ANO2: variants seen among roughly 807,000 people sequenced by gnomAD.
ANO2 encodes anoctamin 2.
A neutral mutation model predicts 124.2 loss-of-function variants in ANO2; 101 were observed. The ratio of observed to expected loss-of-function variants is 0.81; its 90% CI spans 0.69 to 0.96. The LOEUF is 0.96. Among genes scored for constraint, ANO2 ranks in the 40% least tolerant of loss-of-function variants. The pLI, the probability that ANO2 is intolerant of heterozygous loss-of-function variation, is 0.00. For synonymous variants in ANO2, 486 were observed against 482.5 expected, an observed-to-expected ratio of 1.01 and a Z score of -0.09; for missense variants, 1,293 against 1,274.5, an observed-to-expected ratio of 1.01 and a Z score of -0.22.
At chr12:5,923,081 T>TACACACGCATAC (rs1941813873) in intron 1 of ANO2, among the ~76,000 whole-genome samples, 3 of 21,892 alleles carry the variant, frequency 1.4e-4, no homozygotes, top group African/African-American at 3.2e-4. Context: ...CATGCACACA[T>TACACACGCATAC]ACACACACAC....
intron 3 of ANO2, among the ~76,000 whole-genome samples, chr12:5,906,192 C>T (rs1940670155): frequency 6.6e-6 from 1 of 152,100 alleles, no homozygotes; most frequent in African/African-American, 2.4e-5. Context: ...CCAAGGGCTT[C>T]CTCTCCAGTT....
At chr12:5,701,266 T>C (rs1338343420) in intron 14 of ANO2, among the ~76,000 whole-genome samples, 1 of 152,152 alleles carries the variant, frequency 6.6e-6, no homozygotes, top group African/African-American at 2.4e-5. Flanking sequence ...TTGACTCTTC[T>C]TGACATTAGC....
chr12:5,844,793 A>G (rs939198881), intron 4 of ANO2, among the ~76,000 whole-genome samples: 1 of 152,038 alleles, frequency 6.6e-6, no homozygotes, highest in Admixed American at 6.6e-5. Flanking sequence ...TAGGTGTTCA[A>G]GTGTTCAGCA....
chr12:5,844,894 C>T (rs531355515), intron 4 of ANO2, among the ~76,000 whole-genome samples: 2 of 148,754 alleles, frequency 1.3e-5, no homozygotes, highest in Admixed American at 6.7e-5. Context: ...CTTCTCAAAA[C>T]TTTGACTGTC....
At chr12:5,910,016 C>T (rs2136291022) in intron 3 of ANO2, among the ~76,000 whole-genome samples, 1 of 152,298 alleles carries the variant, frequency 6.6e-6, no homozygotes, top group East Asian at 1.9e-4. Flanking sequence ...AATAGTTAAA[C>T]ATAAATTTGT....
intron 3 of ANO2, among the ~76,000 whole-genome samples, chr12:5,866,120 C>T (rs1177921873): frequency 6.6e-6 from 1 of 152,190 alleles, no homozygotes; most frequent in Non-Finnish European, 1.5e-5. Context: ...ACAACGACTG[C>T]TTCTGGAATA....
chr12:5,757,775 A>G (rs1334444393), intron 10 of ANO2, among the ~76,000 whole-genome samples: 1 of 152,246 alleles, frequency 6.6e-6, no homozygotes, highest in Non-Finnish European at 1.5e-5. Flanking sequence ...GTCCAGGGAA[A>G]ACTGGGATAT....
intron 20 of ANO2, among the ~76,000 whole-genome samples, chr12:5,587,088 C>T (rs1486051357): frequency 1.3e-5 from 2 of 152,128 alleles, no homozygotes; most frequent in African/African-American, 2.4e-5. Flanking sequence ...CACACCCAGC[C>T]GGCCCAAAAG....
chr12:5,841,555 G>A (rs574754419), intron 4 of ANO2, among the ~76,000 whole-genome samples: 6 of 152,300 alleles, frequency 3.9e-5, no homozygotes, highest in Admixed American at 6.5e-5. Flanking sequence ...CCTCTTAGGC[G>A]CCATGCCTGC....
chr12:5,797,294 C>T (rs1460597302), intron 10 of ANO2, among the ~76,000 whole-genome samples: 1 of 152,056 alleles, frequency 6.6e-6, no homozygotes, highest in Non-Finnish European at 1.5e-5. Context: ...AGAAATGGTG[C>T]TGAAGAAGAA....
At chr12:5,732,952 C>T (rs1237508044) in intron 13 of ANO2, 34 of 1,549,888 alleles carry the variant, frequency 2.2e-5, no homozygotes, top group Non-Finnish European at 2.8e-5. Context: ...GGGCCCAGTG[C>T]TTTGCAGAGC....
At chr12:5,819,852 G>A in intron 7 of ANO2, among the ~76,000 whole-genome samples, 1 of 73,686 alleles carries the variant, frequency 1.4e-5, no homozygotes, top group South Asian at 4.4e-4. Context: ...GGGGCCAAGT[G>A]GCAGCACTCA....
intron 3 of ANO2, among the ~76,000 whole-genome samples, chr12:5,914,221 G>C (rs1161142620): frequency 1.4e-5 from 2 of 143,286 alleles, no homozygotes; most frequent in Non-Finnish European, 3.1e-5. Context: ...AAAGAAAAAA[G>C]AAAGTGAGGC....
chr12:5,820,345 T>C (rs1159058971), intron 7 of ANO2, among the ~76,000 whole-genome samples: 1 of 152,192 alleles, frequency 6.6e-6, no homozygotes, highest in Non-Finnish European at 1.5e-5. Flanking sequence ...TGAGATGACG[T>C]TGATTCCAGG....
rs1165972598 is a variant in ANO2 at position 5,674,222 on chromosome 12, T to C, written c.1546-26421A>G. Among the ~76,000 whole-genome samples the C allele has an allele frequency of 2.6e-5, 4 of 152,204 alleles. No homozygotes were observed. In the East Asian group the frequency reaches 7.7e-4, roughly 29 times the overall value. Reference sequence around the variant, plus strand: ...ACTCTCCACTATAGGTAATTTTAAGTTTGCAGTAGCTAATGGGCAAAGGAA... The same window carrying C: ...ACTCTCCACTATAGGTAATTTTAAGCTTGCAGTAGCTAATGGGCAAAGGAA... On this transcript the variant is annotated intron_variant, in intron 14 of 24. Transcript: ENST00000682330.
At chr12:5,665,446 T>A (rs2361580) in intron 14 of ANO2, among the ~76,000 whole-genome samples, 2 of 152,190 alleles carry the variant, frequency 1.3e-5, no homozygotes, top group Non-Finnish European at 2.9e-5. Flanking sequence ...GAGGAATCCA[T>A]CTGTACTTAT....
At chr12:5,835,589 G>A (rs145899474) in intron 4 of ANO2, among the ~76,000 whole-genome samples, 1 of 152,328 alleles carries the variant, frequency 6.6e-6, no homozygotes, top group Non-Finnish European at 1.5e-5. Flanking sequence ...AGAGAGTTAA[G>A]TATCTCAGCC....
intron 12 of ANO2, among the ~76,000 whole-genome samples, chr12:5,741,485 C>T (rs1951092637): frequency 1.3e-5 from 2 of 152,202 alleles, no homozygotes; most frequent in South Asian, 4.1e-4. Flanking sequence ...TAAGTCCCTC[C>T]TCTTCCTACC....
chr12:5,848,430 T>C (rs1051873129), intron 4 of ANO2, among the ~76,000 whole-genome samples: 11 of 151,250 alleles, frequency 7.3e-5, no homozygotes, highest in African/African-American at 2.7e-4. Flanking sequence ...TTGTCATCCA[T>C]CTCAAGTCCA....
Sources: gnomAD v4.1 joint callset for allele counts (sites outside exome capture counted in the v4.1 genomes callset) on GRCh38, gnomAD v4.1.1 for gene constraint, MANE v1.5 for transcripts, NCBI Gene and HGNC (gene_info 2026-07-23, HGNC 2026-07-21) for gene names.